GLI3: variants seen among roughly 807,000 people sequenced by gnomAD.
GLI3 encodes transcription activator GLI3.
A neutral mutation model predicts 100.8 loss-of-function variants in GLI3; 20 were observed. The ratio of observed to expected loss-of-function variants is 0.20; its 90% confidence interval spans 0.14 to 0.29. The LOEUF (loss-of-function observed/expected upper bound fraction) is 0.29. Ranked by LOEUF, GLI3 falls within the 10% of genes least tolerant of loss-of-function variation. The probability of loss-of-function intolerance (pLI) is 1.00; values close to 1 mark genes in which losing one functional copy is unlikely to be tolerated. For missense variants in GLI3, 2,040 were observed against 2,128.5 expected (o/e 0.96, Z 0.82); for synonymous variants, 938 against 860.5 (o/e 1.09, Z -1.58).
chr7:42,210,676 T>C (rs1355673428), intron 2 of GLI3, among the ~76,000 whole-genome samples: 3 of 152,150 alleles, frequency 2.0e-5, no homozygotes, highest in Non-Finnish European at 4.4e-5. Flanking sequence ...TTAAAAATCA[T>C]ATCTTTTTTT....
intron 4 of GLI3, among the ~76,000 whole-genome samples, chr7:42,067,527 C>T (rs952124730): frequency 6.6e-6 from 1 of 152,168 alleles, no homozygotes; most frequent in Non-Finnish European, 1.5e-5. Context: ...TATTTGGATA[C>T]TATTTGAATG....
At chr7:41,969,597 A>G (rs1420411455) in intron 13 of GLI3, among the ~76,000 whole-genome samples, 1 of 152,200 alleles carries the variant, frequency 6.6e-6, no homozygotes, top group Non-Finnish European at 1.5e-5. Context: ...GGAGTGCCAG[A>G]CCACCTGCTC....
chr7:41,970,463 C>T (rs1352266036), intron 13 of GLI3, among the ~76,000 whole-genome samples: 1 of 152,054 alleles, frequency 6.6e-6, no homozygotes, highest in Non-Finnish European at 1.5e-5. Context: ...TCTTGATCTC[C>T]ATGGTTTCTT....
intron 7 of GLI3, among the ~76,000 whole-genome samples, chr7:42,033,559 GA>G (rs1404293685): frequency 6.6e-6 from 1 of 152,168 alleles, no homozygotes; most frequent in African/African-American, 2.4e-5. Flanking sequence ...CATGGTACCA[GA>G]ATGTGAGAAA....
At chr7:42,248,908 G>A (rs984206403) in intron 1 of GLI3, among the ~76,000 whole-genome samples, 5 of 151,620 alleles carry the variant, frequency 3.3e-5, no homozygotes, top group African/African-American at 9.7e-5. Flanking sequence ...TCTCACCTCC[G>A]TTTTTGTATT....
intron 3 of GLI3, among the ~76,000 whole-genome samples, chr7:42,086,788 G>A (rs886481079): frequency 3.9e-5 from 6 of 152,130 alleles, no homozygotes; most frequent in East Asian, 3.9e-4. Context: ...GGGACGACCC[G>A]AGGAATTCTA....
chr7:42,030,186 G>A (rs926877893), intron 7 of GLI3, among the ~76,000 whole-genome samples: 1 of 151,984 alleles, frequency 6.6e-6, no homozygotes, highest in African/African-American at 2.4e-5. Flanking sequence ...ACATCACTCA[G>A]GCCTCCTCCT....
At chr7:42,244,780 A>G (rs1788956045) in intron 1 of GLI3, among the ~76,000 whole-genome samples, 1 of 152,172 alleles carries the variant, frequency 6.6e-6, no homozygotes, top group Non-Finnish European at 1.5e-5. Flanking sequence ...TAGTTTCCCA[A>G]GGAAGGATCC....
intron 3 of GLI3, among the ~76,000 whole-genome samples, chr7:42,128,741 G>T (rs935343150): frequency 1.3e-5 from 2 of 152,018 alleles, no homozygotes; most frequent in Non-Finnish European, 1.5e-5. Context: ...TTTTTTTAGG[G>T]TGAGAACCAA....
At chr7:42,050,596 T>A (rs532271478) in intron 4 of GLI3, among the ~76,000 whole-genome samples, 1 of 152,336 alleles carries the variant, frequency 6.6e-6, no homozygotes, top group Admixed American at 6.5e-5. Context: ...CCAATCTGAT[T>A]CTAAACACAG....
At chr7:41,969,835 G>C (rs116205351) in intron 13 of GLI3, among the ~76,000 whole-genome samples, 2,921 of 152,310 alleles carry the variant, frequency 0.019, 100 homozygotes, top group African/African-American at 0.067. Flanking sequence ...CTCAAAGAAG[G>C]TGGTGCACAT....
At position 41,965,507 on chromosome 7, in the gene GLI3, C is replaced by A. The variant is rs1314037869; in HGVS notation, c.3566G>T (p.Arg1189Leu). 1 of 1,607,368 alleles carries A rather than the reference C, an allele frequency of 6.2e-7. No homozygotes were observed. The highest frequency in any genetic ancestry group is 1.1e-5 in the South Asian group (1 of 90,962). Reference sequence around the variant, plus strand: ...CATGCCGTTGCAGAACCCAAAGGCGCGAGTCTGCGGCACAGCGGGCCGCGG... The same window carrying A: ...CATGCCGTTGCAGAACCCAAAGGCGAGAGTCTGCGGCACAGCGGGCCGCGG... ...CGPRPAVPQT[R>L]AFGFCNGMVV... The change falls in exon 15 of 15, where the codon CGC (arginine) becomes CTC (leucine). Residue 1189 changes from arginine to leucine, a missense_variant. By Grantham distance (102) the Arg-to-Leu change is moderately radical. Coordinates refer to ENST00000395925, the MANE Select transcript of GLI3 (RefSeq NM_000168.6).
At chr7:42,172,836 T>A (rs1787404021) in intron 2 of GLI3, 1 of 558,532 alleles carries the variant, frequency 1.8e-6, no homozygotes, top group African/African-American at 1.9e-5. Context: ...TTCTACCTAA[T>A]ATCACTCTCA....
chr7:42,153,808 C>A (rs545780351), intron 2 of GLI3, among the ~76,000 whole-genome samples: 61 of 152,290 alleles, frequency 4.0e-4, no homozygotes, highest in African/African-American at 1.4e-3. Flanking sequence ...ACATCTTCCC[C>A]ATCCTTAAGA....
At chr7:42,148,738 T>C (rs1392197059) in intron 2 of GLI3, among the ~76,000 whole-genome samples, 4 of 152,086 alleles carry the variant, frequency 2.6e-5, no homozygotes, top group South Asian at 4.2e-4. Context: ...GGTTGGCAAA[T>C]TGGCATCACC....
In GLI3 at chr7:41,989,811, T is replaced by C. The variant is rs141671566; in HGVS notation, c.1498-11063A>G. Among the ~76,000 whole-genome samples, 605 of 151,768 alleles carry C rather than the reference T, an allele frequency of 4.0e-3. 5 individuals carry two copies. The highest frequency in any genetic ancestry group is 0.013 in the African/African-American group (546 of 41,364). ...ACTTTAGGAGGCTGAGGCGGGAGGATTGCTTGAGCCCAGGCGTTCAACACC... is the reference window on the plus strand; with the variant it reads ...ACTTTAGGAGGCTGAGGCGGGAGGACTGCTTGAGCCCAGGCGTTCAACACC... On this transcript the variant is annotated intron_variant, in intron 10 of 14. Transcript: ENST00000395925.
intron 2 of GLI3, among the ~76,000 whole-genome samples, chr7:42,162,000 C>T (rs1787140095): frequency 1.3e-5 from 2 of 152,218 alleles, no homozygotes; most frequent in Admixed American, 1.3e-4. Flanking sequence ...CCGTGTGTCC[C>T]AGCATGAACC....
intron 3 of GLI3, among the ~76,000 whole-genome samples, chr7:42,119,807 T>C (rs556527808): frequency 6.6e-6 from 1 of 152,156 alleles, no homozygotes; most frequent in Non-Finnish European, 1.5e-5. Context: ...TCTGAATAAT[T>C]TGACTAGAAG....
chr7:42,097,655 A>G (rs1785369578), intron 3 of GLI3, among the ~76,000 whole-genome samples: 1 of 152,216 alleles, frequency 6.6e-6, no homozygotes, highest in Non-Finnish European at 1.5e-5. Flanking sequence ...TGTCTCTCTC[A>G]AGCCTTTGTC....
Sources: gnomAD v4.1 joint callset for allele counts (sites outside exome capture counted in the v4.1 genomes callset) on GRCh38, gnomAD v4.1.1 for gene constraint, MANE v1.5 for transcripts, NCBI Gene and HGNC (gene_info 2026-07-23, HGNC 2026-07-21) for gene names.